The following PIK3C2G variants were observed in gnomAD, a reference collection of about 807,000 sequenced individuals.
PIK3C2G encodes the protein phosphatidylinositol 3-kinase C2 domain-containing subunit gamma.
Under a neutral mutation model 181.1 loss-of-function variants are expected in PIK3C2G, and 168 were observed. That is an observed-to-expected ratio of 0.93 (90% CI 0.82 to 1.05). The LOEUF is 1.05. Among genes scored for constraint, PIK3C2G ranks in the 50% least tolerant of loss-of-function variants. The pLI, the probability that PIK3C2G is intolerant of heterozygous loss-of-function variation, is 0.00. For synonymous variants in PIK3C2G, 573 were observed against 592.2 expected, an observed-to-expected ratio of 0.97 and a Z score of 0.47; for missense variants, 1,869 against 1,732.8, an observed-to-expected ratio of 1.08 and a Z score of -1.40.
intron 29 of PIK3C2G, among the ~76,000 whole-genome samples, chr12:18,568,412 G>T: frequency 6.7e-6 from 1 of 150,250 alleles, no homozygotes; most frequent in South Asian, 2.1e-4. Context: ...GTGTGTGTGT[G>T]TCTGTGTGTG....
intron 13 of PIK3C2G, among the ~76,000 whole-genome samples, chr12:18,380,829 A>T (rs1197139359): frequency 6.6e-6 from 1 of 152,220 alleles, no homozygotes; most frequent in Admixed American, 6.5e-5. Context: ...TTATTTGTTG[A>T]ATTTTTTCCT....
intron 31 of PIK3C2G, among the ~76,000 whole-genome samples, chr12:18,627,637 C>G (rs1258746214): frequency 6.6e-6 from 1 of 152,138 alleles, no homozygotes; most frequent in East Asian, 1.9e-4. Flanking sequence ...TTCATTCTAC[C>G]ATTTAACTGA....
chr12:18,689,605 G>A, the PIK3C2G span, among the ~76,000 whole-genome samples: 6 of 152,204 alleles, frequency 3.9e-5, no homozygotes, highest in East Asian at 9.7e-4. Context: ...TAACAAATTT[G>A]TTTGTACAGG....
intron 1 of PIK3C2G, among the ~76,000 whole-genome samples, chr12:18,248,333 G>C (rs1948061630): frequency 6.6e-6 from 1 of 152,166 alleles, no homozygotes; most frequent in African/African-American, 2.4e-5. Flanking sequence ...AGCACTTTGG[G>C]AGGCCGAGGC....
At chr12:18,640,632 A>T in intron 32 of PIK3C2G, 78 bp downstream of exon 32, 1 of 1,277,054 alleles carries the variant, frequency 7.8e-7, no homozygotes, top group Non-Finnish European at 1.1e-6. Context: ...AATATGGAAA[A>T]TTTGCAGTAA....
At chr12:18,296,795 A>G (rs528714832) in intron 5 of PIK3C2G, among the ~76,000 whole-genome samples, 4 of 152,074 alleles carry the variant, frequency 2.6e-5, no homozygotes, top group African/African-American at 4.8e-5. Flanking sequence ...AATACAATAT[A>G]TAATGAACAC....
intron 18 of PIK3C2G, among the ~76,000 whole-genome samples, chr12:18,478,986 A>AT (rs540018716): frequency 0.034 from 4,989 of 146,410 alleles, 135 homozygotes; most frequent in Non-Finnish European, 0.047. Context: ...AAAAAAAAAA[A>AT]ATATATATAT....
At chr12:18,489,913 G>T (rs1940400539) in intron 19 of PIK3C2G, among the ~76,000 whole-genome samples, 1 of 151,998 alleles carries the variant, frequency 6.6e-6, no homozygotes, top group Non-Finnish European at 1.5e-5. Context: ...ATTCACTCAG[G>T]TAAATATATT....
At chr12:18,607,199 A>G (rs752809629) in intron 30 of PIK3C2G, 95 of 515,570 alleles carry the variant, frequency 1.8e-4, no homozygotes, top group South Asian at 5.0e-4. Flanking sequence ...TCAATAGACA[A>G]AAATGGTTAA....
Position 18,546,340 on chromosome 12 carries a change from G to T in PIK3C2G, c.3498G>T (p.Leu1166=), listed in dbSNP as rs771426055. 1 of 1,591,478 alleles carries T rather than the reference G, an allele frequency of 6.3e-7. No homozygotes were observed. The highest frequency in any genetic ancestry group is 1.1e-5 in the South Asian group (1 of 88,162). Residue 1166 remains leucine (L), a synonymous_variant, in exon 26 of 33, where the codon CTG becomes CTT. Coordinates refer to ENST00000538779, the MANE Select transcript of PIK3C2G (RefSeq NM_001288772.2). ...TGGTTAAGATGCTGTATGCAGGACT[G>T]CCTGAGCTAAGTGGAATTCAAGACC... The part of the protein sequence containing the change: ...NLLEMMLYAG[L]PELSGIQDLK...
chr12:18,539,793 A>T (rs1944054065), intron 25 of PIK3C2G, among the ~76,000 whole-genome samples: 1 of 151,952 alleles, frequency 6.6e-6, no homozygotes, highest in African/African-American at 2.4e-5. Flanking sequence ...TAAAAATATT[A>T]TAAACATGTC....
the PIK3C2G span, among the ~76,000 whole-genome samples, chr12:18,701,000 T>G: frequency 8.0e-6 from 1 of 125,014 alleles, no homozygotes; most frequent in Non-Finnish European, 1.7e-5. Context: ...TTTTTTTTTT[T>G]GAAACAGGAT....
chr12:18,364,294 A>G (rs547907923), intron 12 of PIK3C2G, among the ~76,000 whole-genome samples: 19 of 152,338 alleles, frequency 1.2e-4, no homozygotes, highest in African/African-American at 3.1e-4. Flanking sequence ...TCAGGAACAC[A>G]GTATTCCACT....
intron 26 of PIK3C2G, among the ~76,000 whole-genome samples, chr12:18,559,932 C>G (rs960734304): frequency 6.7e-6 from 1 of 149,652 alleles, no homozygotes; most frequent in Non-Finnish European, 1.5e-5. Flanking sequence ...CAACCTCCAC[C>G]TCCCAGATCC....
chr12:18,634,043 C>A (rs1280191602), intron 31 of PIK3C2G, among the ~76,000 whole-genome samples: 4 of 152,152 alleles, frequency 2.6e-5, no homozygotes, highest in Non-Finnish European at 5.9e-5. Context: ...GCATACACAG[C>A]CTTTTGTAGA....
chr12:18,570,533 A>C (rs1398314913), intron 29 of PIK3C2G, among the ~76,000 whole-genome samples: 1 of 150,142 alleles, frequency 6.7e-6, no homozygotes, highest in East Asian at 2.0e-4. Context: ...TTATTAATAC[A>C]CACACTCAAG....
At chr12:18,597,823 C>T (rs545311256) in intron 30 of PIK3C2G, among the ~76,000 whole-genome samples, 3 of 151,950 alleles carry the variant, frequency 2.0e-5, no homozygotes, top group African/African-American at 7.2e-5. Context: ...AATCAATGTA[C>T]AAAAATCACA....
At chr12:18,431,929 A>C (rs188301857) in intron 18 of PIK3C2G, among the ~76,000 whole-genome samples, 1 of 152,304 alleles carries the variant, frequency 6.6e-6, no homozygotes, top group African/African-American at 2.4e-5. Context: ...ACTGTTCTCT[A>C]TCCCAACCAA....
At chr12:18,401,856 C>G (rs1944267181) in intron 16 of PIK3C2G, among the ~76,000 whole-genome samples, 1 of 151,844 alleles carries the variant, frequency 6.6e-6, no homozygotes, top group Admixed American at 6.6e-5. Flanking sequence ...TCAAAAGATA[C>G]AAAAAGGACA....
Sources: gnomAD v4.1 joint callset for allele counts (sites outside exome capture counted in the v4.1 genomes callset) on GRCh38, gnomAD v4.1.1 for gene constraint, MANE v1.5 for transcripts, NCBI Gene and HGNC (gene_info 2026-07-23, HGNC 2026-07-21) for gene names.